The following DIS3L2 variants were observed in gnomAD, a reference collection of about 807,000 sequenced individuals.
DIS3L2 encodes DIS3 like 3'-5' exoribonuclease 2, also known as DIS3-like exonuclease 2.
DIS3L2 carries 34 observed loss-of-function variants against 97.5 expected under a neutral mutation model. The observed-to-expected ratio is 0.35, with a 90% CI of 0.27 to 0.46. The LOEUF (loss-of-function observed/expected upper bound fraction) is 0.46, where lower values mean the gene tolerates loss of function less well. Among genes scored for constraint, DIS3L2 ranks in the 20% least tolerant of loss-of-function variants. The pLI is 1.00. For synonymous variants in DIS3L2, 435 were observed against 445.2 expected (o/e 0.98, Z 0.29); for missense variants, 1,038 against 1,146.0 (o/e 0.91, Z 1.36).
chr2:232,207,837 TACAA>T (rs547700132), intron 9 of DIS3L2, among the ~76,000 whole-genome samples: 17 of 152,210 alleles, frequency 1.1e-4, no homozygotes, highest in East Asian at 3.8e-4. Flanking sequence ...ACAATATATT[TACAA>T]ACAAACAATA....
At chr2:231,997,882 T>C (rs550844651) in intron 1 of DIS3L2, among the ~76,000 whole-genome samples, 25 of 152,322 alleles carry the variant, frequency 1.6e-4, no homozygotes, top group Admixed American at 1.5e-3. Flanking sequence ...GGAATTAACA[T>C]TGATATACCA....
At chr2:232,324,395 C>T (rs955878126) in intron 14 of DIS3L2, among the ~76,000 whole-genome samples, 10 of 152,142 alleles carry the variant, frequency 6.6e-5, no homozygotes, top group African/African-American at 1.7e-4. Flanking sequence ...TCCCACAGAG[C>T]GTGACAAGGG....
At chr2:232,330,121 C>CT in intron 15 of DIS3L2, 125 bp downstream of exon 15, 1 of 1,229,572 alleles carries the variant, frequency 8.1e-7, no homozygotes, top group Non-Finnish European at 1.1e-6. Context: ...CAGGTCTCTC[C>CT]TGTAGGGAAG....
intron 7 of DIS3L2, among the ~76,000 whole-genome samples, chr2:232,134,854 A>AC (rs1698313582): frequency 5.3e-5 from 8 of 151,776 alleles, no homozygotes; most frequent in African/African-American, 1.7e-4. Flanking sequence ...TGCATGTGGT[A>AC]TTGGTATTGT....
intron 1 of DIS3L2, among the ~76,000 whole-genome samples, chr2:231,984,595 G>T (rs1338482288): frequency 1.3e-5 from 2 of 150,566 alleles, no homozygotes; most frequent in African/African-American, 4.9e-5. Flanking sequence ...GGGTTTCACC[G>T]TGTTAGCCAG....
intron 5 of DIS3L2, among the ~76,000 whole-genome samples, chr2:232,080,719 G>A (rs1696361415): frequency 6.6e-6 from 1 of 151,822 alleles, no homozygotes; most frequent in Non-Finnish European, 1.5e-5. Flanking sequence ...TGGGCAACAT[G>A]ACAAAACCCC....
At chr2:232,030,186 C>G in intron 5 of DIS3L2, 106 bp downstream of exon 5, 1 of 898,274 alleles carries the variant, frequency 1.1e-6, no homozygotes, top group South Asian at 1.5e-5. Flanking sequence ...ACCCCTTAGG[C>G]GCTGTGATAA....
intron 9 of DIS3L2, among the ~76,000 whole-genome samples, chr2:232,196,209 C>T (rs1041662322): frequency 1.3e-5 from 2 of 152,162 alleles, no homozygotes; most frequent in African/African-American, 4.8e-5. Context: ...CTCAAGTGAT[C>T]CTCCCTCCTT....
At chr2:232,333,191 T>TCTG (rs1695809779) in intron 16 of DIS3L2, among the ~76,000 whole-genome samples, 1 of 48,228 alleles carries the variant, frequency 2.1e-5, no homozygotes, top group African/African-American at 1.5e-4. Flanking sequence ...CTCCTCCTCC[T>TCTG]CCTCCTCCTC....
intron 10 of DIS3L2, among the ~76,000 whole-genome samples, chr2:232,211,193 G>A (rs1041732571): frequency 6.7e-6 from 1 of 149,462 alleles, no homozygotes; most frequent in African/African-American, 2.5e-5. Flanking sequence ...TGCCCAGGCT[G>A]GAGTGTAGTG....
chr2:231,982,394 G>C (rs937892480), intron 1 of DIS3L2, among the ~76,000 whole-genome samples: 1 of 152,012 alleles, frequency 6.6e-6, no homozygotes, highest in African/African-American at 2.4e-5. Flanking sequence ...TATTATATTT[G>C]TCTTTACATT....
intron 9 of DIS3L2, among the ~76,000 whole-genome samples, chr2:232,181,050 T>A (rs1361193070): frequency 6.9e-5 from 7 of 101,488 alleles, no homozygotes; most frequent in Non-Finnish European, 9.8e-5. Context: ...ATAAAGTATT[T>A]TATTTCTCCT....
intron 13 of DIS3L2, among the ~76,000 whole-genome samples, chr2:232,267,703 G>A (rs1386442171): frequency 6.6e-6 from 1 of 152,176 alleles, no homozygotes; most frequent in Non-Finnish European, 1.5e-5. Flanking sequence ...CCTGGTTCTT[G>A]CTCAGTGATT....
At position 232,336,540 on chromosome 2, in the gene DIS3L2, C is replaced by T. The variant is rs1224024792; in HGVS notation, c.2568C>T (p.Ile856=). The change falls in exon 21 of 21, where the codon ATC becomes ATT. Residue 856 remains isoleucine (I), a synonymous_variant. Transcript: ENST00000325385. ...CCACAGCCCTCAAGTACAGCGCCATCCTGAAGCGGCCAGGCACCCAGGGCC... is the reference window on the plus strand; with the variant it reads ...CCACAGCCCTCAAGTACAGCGCCATTCTGAAGCGGCCAGGCACCCAGGGCC... ...AESTALKYSA[I]LKRPGTQGHL... 6.2e-7 allele frequency: 1 copy of T among 1,610,278 alleles called. No individual in the cohort carries two copies. The highest frequency in any genetic ancestry group is 1.3e-5 in the African/African-American group (1 of 75,042).
intron 7 of DIS3L2, among the ~76,000 whole-genome samples, chr2:232,135,381 G>C (rs534268585): frequency 6.6e-6 from 1 of 152,270 alleles, no homozygotes; most frequent in South Asian, 2.1e-4. Context: ...CCATTTCAGA[G>C]GCTGTATGTG....
At chr2:232,051,164 C>T (rs1040875845) in intron 5 of DIS3L2, among the ~76,000 whole-genome samples, 1 of 152,114 alleles carries the variant, frequency 6.6e-6, no homozygotes, top group Non-Finnish European at 1.5e-5. Context: ...AGATTGGGGT[C>T]TCCATTCTAG....
intron 1 of DIS3L2, among the ~76,000 whole-genome samples, chr2:231,962,314 A>C (rs1692583819): frequency 6.6e-6 from 1 of 151,780 alleles, no homozygotes; most frequent in African/African-American, 2.4e-5. Flanking sequence ...GGGGATACGC[A>C]TGCAGGTTAG....
In DIS3L2 at chr2:232,099,120, C is replaced by A. The variant is rs77880979; in HGVS notation, c.601+11399C>A. Among the ~76,000 whole-genome samples, 980 of 152,158 alleles carry A rather than the reference C, an allele frequency of 6.4e-3. 15 individuals carry two copies. The highest frequency in any genetic ancestry group is 0.023 in the African/African-American group (934 of 41,506). On this transcript the variant is annotated intron_variant, in intron 6 of 20. Coordinates refer to ENST00000325385, the MANE Select transcript of DIS3L2 (RefSeq NM_152383.5). ...AGTCTATTTCTGATGTTGAACCATC[C>A]TTTTATTCGTCATATAAATTCTACT... is the stretch of plus-strand genomic sequence containing the variant.
intron 6 of DIS3L2, among the ~76,000 whole-genome samples, chr2:232,114,460 G>C (rs1434931791): frequency 1.3e-5 from 2 of 152,244 alleles, no homozygotes; most frequent in South Asian, 2.1e-4. Context: ...AAGACCAAGG[G>C]TAAGAAGGAC....
Sources: allele counts gnomAD v4.1 joint callset (sites outside exome capture counted in the v4.1 genomes callset), GRCh38; gene constraint gnomAD v4.1.1; transcripts MANE v1.5; gene names NCBI Gene and HGNC (gene_info 2026-07-23, HGNC 2026-07-21).